The following CFAP299 variants were observed in gnomAD, a reference collection of about 807,000 sequenced individuals.
CFAP299 encodes cilia and flagella associated protein 299, also known as cilia- and flagella-associated protein 299.
CFAP299 carries 21 observed loss-of-function variants against 27.0 expected under a neutral mutation model. The ratio of observed to expected loss-of-function variants is 0.78; its 90% CI spans 0.55 to 1.12. The LOEUF (loss-of-function observed/expected upper bound fraction) is 1.12. CFAP299 is among the 50% of genes most tolerant of loss of function. The pLI is 0.00. For synonymous variants in CFAP299, 104 were observed against 98.1 expected (o/e 1.06, Z -0.36); for missense variants, 310 against 276.6 (o/e 1.12, Z -0.86).
intron 2 of CFAP299, among the ~76,000 whole-genome samples, chr4:80,412,603 G>C (rs1261362040): frequency 6.6e-6 from 1 of 152,180 alleles, no homozygotes; most frequent in Non-Finnish European, 1.5e-5. Flanking sequence ...TATTAAGTAA[G>C]ATAACTGGGA....
intron 3 of CFAP299, among the ~76,000 whole-genome samples, chr4:80,786,375 T>C (rs1727247355): frequency 6.6e-6 from 1 of 152,094 alleles, no homozygotes. Flanking sequence ...AAAGTGAAGA[T>C]TTACAACACT....
At chr4:80,627,508 A>G (rs1738973111) in intron 3 of CFAP299, among the ~76,000 whole-genome samples, 1 of 152,024 alleles carries the variant, frequency 6.6e-6, no homozygotes, top group Admixed American at 6.6e-5. Context: ...GGCAAAAGAA[A>G]GAAATAGAAG....
At chr4:80,810,359 C>T (rs1729083293) in intron 3 of CFAP299, among the ~76,000 whole-genome samples, 2 of 151,822 alleles carry the variant, frequency 1.3e-5, no homozygotes, top group Non-Finnish European at 1.5e-5. Flanking sequence ...CTGACACACA[C>T]ACACACACAC....
At chr4:80,795,088 A>C (rs1432715734) in intron 3 of CFAP299, among the ~76,000 whole-genome samples, 1 of 152,168 alleles carries the variant, frequency 6.6e-6, no homozygotes. Context: ...AGAACGGGGC[A>C]TGCTATTCAC....
intron 4 of CFAP299, among the ~76,000 whole-genome samples, chr4:80,887,732 T>C (rs949461319): frequency 2.0e-5 from 3 of 152,212 alleles, no homozygotes; most frequent in South Asian, 2.1e-4. Flanking sequence ...GTAGAAAGAC[T>C]AAATTATGAA....
intron 4 of CFAP299, among the ~76,000 whole-genome samples, chr4:80,875,760 A>G (rs74747325): frequency 0.023 from 3,474 of 152,020 alleles, 125 homozygotes; most frequent in African/African-American, 0.079. Context: ...CTAGATTAAC[A>G]CAGACTTCAC....
At chr4:80,538,459 T>C (rs908518799) in intron 2 of CFAP299, among the ~76,000 whole-genome samples, 19 of 152,104 alleles carry the variant, frequency 1.2e-4, no homozygotes, top group African/African-American at 4.6e-4. Context: ...TTTCTAGGCC[T>C]TCACATTTAC....
intron 2 of CFAP299, among the ~76,000 whole-genome samples, chr4:80,418,539 C>T (rs1356479366): frequency 6.6e-6 from 1 of 151,802 alleles, no homozygotes; most frequent in East Asian, 1.9e-4. Context: ...GTACAGAACT[C>T]GATTATTAGT....
At chr4:80,586,564 C>A (rs1736452522) in intron 3 of CFAP299, among the ~76,000 whole-genome samples, 2 of 152,054 alleles carry the variant, frequency 1.3e-5, no homozygotes, top group Admixed American at 1.3e-4. Context: ...ATAGTCTGTG[C>A]AAACCGCTTT....
intron 3 of CFAP299, among the ~76,000 whole-genome samples, chr4:80,662,466 G>C (rs1248379614): frequency 6.6e-6 from 1 of 152,008 alleles, no homozygotes; most frequent in Non-Finnish European, 1.5e-5. Flanking sequence ...TATCAGTAAG[G>C]GTGGATAGAG....
At chr4:80,357,943 T>C (rs1447380571) in intron 1 of CFAP299, among the ~76,000 whole-genome samples, 1 of 152,160 alleles carries the variant, frequency 6.6e-6, no homozygotes, top group Non-Finnish European at 1.5e-5. Flanking sequence ...TTGTTAACTT[T>C]AAATTTTTCC....
intron 3 of CFAP299, among the ~76,000 whole-genome samples, chr4:80,853,057 G>C (rs13103263): frequency 0.15 from 22,645 of 151,938 alleles, 2,038 homozygotes; most frequent in Middle Eastern, 0.28. Flanking sequence ...TTGAGACGGA[G>C]TCTCATTCTA....
At chr4:80,949,034 C>T (rs970144341) in intron 5 of CFAP299, among the ~76,000 whole-genome samples, 2 of 152,112 alleles carry the variant, frequency 1.3e-5, no homozygotes, top group Non-Finnish European at 2.9e-5. Context: ...TTGGTCTATG[C>T]TTTCATACCT....
chr4:80,640,003 C>G (rs1309396417), intron 3 of CFAP299, among the ~76,000 whole-genome samples: 1 of 152,076 alleles, frequency 6.6e-6, no homozygotes, highest in Non-Finnish European at 1.5e-5. Flanking sequence ...CATGGAGTTT[C>G]AGTTTATGAT....
At chr4:80,895,789 T>G (rs1734583239) in intron 4 of CFAP299, among the ~76,000 whole-genome samples, 2 of 152,064 alleles carry the variant, frequency 1.3e-5, no homozygotes, top group Non-Finnish European at 1.5e-5. Flanking sequence ...AAGGCAGTGG[T>G]AAGGAAAAAC....
At chr4:80,876,276 T>C (rs1395141017) in intron 4 of CFAP299, among the ~76,000 whole-genome samples, 1 of 152,028 alleles carries the variant, frequency 6.6e-6, no homozygotes, top group African/African-American at 2.4e-5. Flanking sequence ...ATCCATATAA[T>C]CCTCACATGT....
chr4:80,952,171 G>A (rs1000976212), intron 5 of CFAP299, among the ~76,000 whole-genome samples: 3 of 152,096 alleles, frequency 2.0e-5, no homozygotes, highest in Non-Finnish European at 2.9e-5. Flanking sequence ...ACATTTTGCC[G>A]TTGTATTACC....
chr4:80,423,088 T>A (rs1419993795), intron 2 of CFAP299, among the ~76,000 whole-genome samples: 1 of 152,194 alleles, frequency 6.6e-6, no homozygotes, highest in East Asian at 1.9e-4. Context: ...ATTAAATAGG[T>A]ACATTTGCAT....
intron 3 of CFAP299, among the ~76,000 whole-genome samples, chr4:80,613,907 T>C (rs1160262852): frequency 6.6e-6 from 1 of 152,206 alleles, no homozygotes; most frequent in African/African-American, 2.4e-5. Flanking sequence ...CTTCAGTTTA[T>C]AACTCTGATA....
Sources: allele counts gnomAD v4.1 joint callset (sites outside exome capture counted in the v4.1 genomes callset), GRCh38; gene constraint gnomAD v4.1.1; transcripts MANE v1.5; gene names NCBI Gene and HGNC (gene_info 2026-07-23, HGNC 2026-07-21).